The following FLT1 variants were observed in gnomAD, a reference collection of about 807,000 sequenced individuals.
FLT1 encodes the protein vascular endothelial growth factor receptor 1.
In FLT1, 49 loss-of-function variants were observed where a neutral mutation model predicts 156.3. The observed-to-expected ratio is 0.31, with a 90% CI of 0.25 to 0.40. FLT1 has a LOEUF of 0.40. Among genes scored for constraint, FLT1 ranks in the 10% least tolerant of loss-of-function variants. FLT1 has a pLI of 1.00. For missense variants in FLT1, 1,322 were observed against 1,637.2 expected (o/e 0.81, Z 3.32); for synonymous variants, 594 against 583.8 (o/e 1.02, Z -0.25).
chr13:28,394,709 T>C (rs2137468545), intron 12 of FLT1, among the ~76,000 whole-genome samples: 1 of 152,260 alleles, frequency 6.6e-6, no homozygotes, highest in East Asian at 1.9e-4. Flanking sequence ...TCTGTTCTGG[T>C]CGCAGCTCTT....
At chr13:28,372,291 A>T (rs1213786225) in intron 14 of FLT1, among the ~76,000 whole-genome samples, 1 of 148,508 alleles carries the variant, frequency 6.7e-6, no homozygotes, top group Non-Finnish European at 1.5e-5. Flanking sequence ...TATGTTGGCC[A>T]AGCTGGTCTT....
chr13:28,316,361 T>G (rs1566281911), intron 25 of FLT1, among the ~76,000 whole-genome samples: 1 of 152,214 alleles, frequency 6.6e-6, no homozygotes, highest in African/African-American at 2.4e-5. Flanking sequence ...AGGACCCCAT[T>G]GTGTGGGTGG....
At chr13:28,416,127 C>T (rs865861583) in intron 10 of FLT1, among the ~76,000 whole-genome samples, 1 of 152,202 alleles carries the variant, frequency 6.6e-6, no homozygotes, top group Non-Finnish European at 1.5e-5. Context: ...CCTCAAACAA[C>T]CTTATGATGT....
At chr13:28,391,480 G>A (rs1646440158) in intron 12 of FLT1, among the ~76,000 whole-genome samples, 1 of 152,204 alleles carries the variant, frequency 6.6e-6, no homozygotes. Flanking sequence ...TGACCTGGAA[G>A]CCCCCTCCCC....
At chr13:28,418,747 C>T (rs957231889) in intron 10 of FLT1, among the ~76,000 whole-genome samples, 2 of 151,778 alleles carry the variant, frequency 1.3e-5, no homozygotes, top group Non-Finnish European at 1.5e-5. Flanking sequence ...TTATTTTTAT[C>T]TTTTTGTAGA....
chr13:28,480,150 C>T (rs1045065826), intron 1 of FLT1, among the ~76,000 whole-genome samples: 1 of 152,174 alleles, frequency 6.6e-6, no homozygotes, highest in Non-Finnish European at 1.5e-5. Flanking sequence ...AGCTATGCTT[C>T]TTATCTCTCT....
chr13:28,412,334 C>CTTTCTTTCTTTCTTTCT (rs1566012842), intron 10 of FLT1, among the ~76,000 whole-genome samples: 1,131 of 59,168 alleles, frequency 0.019, 52 homozygotes, highest in Non-Finnish European at 0.033. Flanking sequence ...TCTTTCTTTT[C>CTTTCTTTCTTTCTTTCT]TTTCTTTCTT....
intron 27 of FLT1, 78 bp from the exon 28 acceptor site, chr13:28,309,005 T>C (rs1410998416): frequency 3.7e-6 from 3 of 819,270 alleles, no homozygotes; most frequent in Non-Finnish European, 6.4e-6. Flanking sequence ...ACAGGCACCA[T>C]ATCCCAGCTA....
chr13:28,357,843 C>T (rs1872956201), intron 14 of FLT1, among the ~76,000 whole-genome samples, 158 bp from the exon 15 acceptor site: 1 of 148,464 alleles, frequency 6.7e-6, no homozygotes, highest in Non-Finnish European at 1.5e-5. Flanking sequence ...TTCTCTGGGT[C>T]CAGGCTTTCT....
At chr13:28,465,503 A>G (rs930591607) in intron 3 of FLT1, among the ~76,000 whole-genome samples, 2 of 152,108 alleles carry the variant, frequency 1.3e-5, no homozygotes, top group African/African-American at 2.4e-5. Flanking sequence ...TGTACATGTT[A>G]TGCTCAGGGA....
intron 15 of FLT1, among the ~76,000 whole-genome samples, chr13:28,347,140 T>G (rs753168444): frequency 3.9e-4 from 60 of 152,302 alleles, no homozygotes; most frequent in Middle Eastern, 6.8e-3. Context: ...AATAATACTT[T>G]TTTGAAGAGG....
chr13:28,488,160 G>T (rs1881269809), intron 1 of FLT1, among the ~76,000 whole-genome samples: 2 of 152,112 alleles, frequency 1.3e-5, no homozygotes, highest in South Asian at 4.1e-4. Context: ...CACTTTGGGA[G>T]ATCGAGGCGG....
At position 28,302,941 on chromosome 13, in the gene FLT1, A is replaced by G. The variant is rs1378281409; in HGVS notation, c.*226T>C. On this transcript the variant is annotated 3_prime_UTR_variant, in exon 30 of 30. Coordinates refer to ENST00000282397, the MANE Select transcript of FLT1 (RefSeq NM_002019.4). ...AAGGATTTCTCTAACACTGAGTAAC[A>G]TGAGGATTTAGCAGTAGTGTTCTTC... The G allele has an allele frequency of 4.0e-5, 23 of 568,852 alleles. No individual in the cohort carries two copies. The East Asian group carries it at 6.8e-4, about 17-fold the overall frequency. The allele number at this position is 568,852 out of a possible 1,614,324, so 35.2% of individuals were successfully genotyped here.
intron 15 of FLT1, among the ~76,000 whole-genome samples, chr13:28,348,912 G>C (rs1003471277): frequency 4.3e-5 from 6 of 140,606 alleles, no homozygotes; most frequent in Non-Finnish European, 9.0e-5. Flanking sequence ...GCGAGACTCC[G>C]TCTCAAAAAA....
At chr13:28,313,798 G>A (rs910425493) in intron 25 of FLT1, among the ~76,000 whole-genome samples, 3 of 151,658 alleles carry the variant, frequency 2.0e-5, no homozygotes, top group East Asian at 1.9e-4. Context: ...TTTAGGGGGC[G>A]CCAATGGCTC....
intron 16 of FLT1, among the ~76,000 whole-genome samples, chr13:28,339,543 T>A (rs1781101448): frequency 6.6e-6 from 1 of 152,212 alleles, no homozygotes; most frequent in Non-Finnish European, 1.5e-5. Context: ...CTATCTTGGA[T>A]AACATGCACT....
At chr13:28,387,157 G>T in intron 13 of FLT1, 2 of 1,035,016 alleles carry the variant, frequency 1.9e-6, no homozygotes, top group South Asian at 9.2e-5. Flanking sequence ...GATGATAGAA[G>T]CAGCAAAAAG....
chr13:28,316,004 A>G (rs1283187441), intron 25 of FLT1, among the ~76,000 whole-genome samples: 2 of 152,188 alleles, frequency 1.3e-5, no homozygotes, highest in Non-Finnish European at 2.9e-5. Context: ...TTCAAATGAG[A>G]CTATGTGTGG....
rs1873395075 is a variant in FLT1 at position 28,368,514 on chromosome 13, C to T, written c.2117-10829G>A. 2.6e-6 allele frequency: 4 copies of T among 1,542,868 alleles called. No individual in the cohort carries two copies. The East Asian group carries it at 7.3e-5, about 28-fold the overall frequency. On this transcript the variant is annotated intron_variant, in intron 14 of 29. Transcript: ENST00000282397. ...AAGGATAAGTTCTTTGAAGTTGACA[C>T]ATAATAGTTTTCAATAAATGGTAGC...
Sources: allele counts gnomAD v4.1 joint callset (sites outside exome capture counted in the v4.1 genomes callset), GRCh38; gene constraint gnomAD v4.1.1; transcripts MANE v1.5; gene names NCBI Gene and HGNC (gene_info 2026-07-23, HGNC 2026-07-21).